The following SESN2 variants were observed in gnomAD, a reference collection of about 807,000 sequenced individuals.
The protein encoded by SESN2 is sestrin 2, also known as sestrin-2.
Under a neutral mutation model 56.0 loss-of-function variants are expected in SESN2, and 42 were observed. The ratio of observed to expected loss-of-function variants is 0.75; its 90% confidence interval spans 0.59 to 0.97. The LOEUF is 0.97. SESN2 is among the 50% of genes least tolerant of loss of function. SESN2 has a pLI of 0.00. For synonymous variants in SESN2, 264 were observed against 267.1 expected (o/e 0.99, Z 0.11); for missense variants, 507 against 649.4 (o/e 0.78, Z 2.38).
Position 28,280,880 on chromosome 1 carries a change from G to C in SESN2, c.*78G>C. The C allele has an allele frequency of 9.0e-7, 1 of 1,115,226 alleles. No individual in the cohort carries two copies. The highest frequency in any genetic ancestry group is 1.7e-5 in the Admixed American group (1 of 58,042). The allele number at this position is 1,115,226 out of a possible 1,614,324, so 69.1% of individuals were successfully genotyped here. A position where few individuals can be genotyped will look rare whatever the true frequency, so the allele number is the denominator to read the frequency against. Reference sequence around the variant, plus strand: ...TGGAGACAGCCCCAGACCCTTTTGTGTCCCATGCCCACCCTCCCCACGCTG... The same window carrying C: ...TGGAGACAGCCCCAGACCCTTTTGTCTCCCATGCCCACCCTCCCCACGCTG... On this transcript the variant is annotated 3_prime_UTR_variant, in exon 10 of 10. Coordinates refer to ENST00000253063, the MANE Select transcript of SESN2 (RefSeq NM_031459.5).
intron 3 of SESN2, 79 bp downstream of exon 3, chr1:28,271,950 T>C (rs924148065): frequency 3.6e-5 from 49 of 1,342,964 alleles, no homozygotes; most frequent in Non-Finnish European, 4.7e-5. Flanking sequence ...CTGGGAGCTT[T>C]GTGAGCTGAT....
chr1:28,271,867 T>A lies in SESN2; in HGVS notation c.350T>A (p.Ile117Asn). 1 of 1,614,160 alleles carries A rather than the reference T, an allele frequency of 6.2e-7. No individual in the cohort carries two copies. The highest frequency in any genetic ancestry group is 8.5e-7 in the Non-Finnish European group (1 of 1,180,012). Residue 117 changes from isoleucine to asparagine, a missense_variant, in exon 3 of 10, where the codon ATC becomes AAC. Coordinates refer to ENST00000253063, the MANE Select transcript of SESN2 (RefSeq NM_031459.5). ...AGCTCCTGGCGCCACTACATTGCCA[T>A]CATGGTGAGCCTCTCTGGGCCTGAC... ...LASSWRHYIA[I>N]MAAARHQCSY...
chr1:28,277,786 A>C (rs903096842), intron 8 of SESN2, among the ~76,000 whole-genome samples: 2 of 152,144 alleles, frequency 1.3e-5, no homozygotes, highest in African/African-American at 4.8e-5. Context: ...ATCATATTTC[A>C]CTGAATGGGT....
chr1:28,276,203 G>T (rs1263859924), intron 8 of SESN2, among the ~76,000 whole-genome samples: 1 of 151,984 alleles, frequency 6.6e-6, no homozygotes, highest in East Asian at 1.9e-4. Context: ...TAAAGGCTGG[G>T]TGCAGTGGCT....
chr1:28,262,313 G>C (rs1647399734), intron 1 of SESN2, among the ~76,000 whole-genome samples: 2 of 152,160 alleles, frequency 1.3e-5, no homozygotes, highest in Admixed American at 6.6e-5. Flanking sequence ...AAAGTTCCAA[G>C]GGCTTCACTC....
At chr1:28,280,588 C>T in intron 9 of SESN2, 128 bp from the exon 10 acceptor site, 1 of 729,746 alleles carries the variant, frequency 1.4e-6, no homozygotes, top group Non-Finnish European at 2.5e-6. Context: ...AGAGCCTTAG[C>T]AGATGCTGGG....
At chr1:28,280,689 G>C in intron 9 of SESN2, 27 bp from the exon 10 acceptor site, 1 of 1,591,604 alleles carries the variant, frequency 6.3e-7, no homozygotes, top group Non-Finnish European at 8.6e-7. Context: ...GACATCAGTT[G>C]CCAACATGCC....
At chr1:28,277,673 C>T (rs113643430) in intron 8 of SESN2, among the ~76,000 whole-genome samples, 3,998 of 152,222 alleles carry the variant, frequency 0.026, 169 homozygotes, top group African/African-American at 0.09. Flanking sequence ...CTGCCTTTCT[C>T]ACTTAACAGT....
intron 1 of SESN2, among the ~76,000 whole-genome samples, chr1:28,262,578 T>C (rs1481618447): frequency 7.8e-6 from 1 of 128,288 alleles, no homozygotes; most frequent in Admixed American, 8.9e-5. Flanking sequence ...ACTGTGATCA[T>C]GCCACTGCAC....
Position 28,259,605 on chromosome 1 carries a change from C to T in SESN2, c.-243C>T. The T allele has an allele frequency of 2.4e-6, 1 of 422,576 alleles. No homozygotes were observed. Among genetic ancestry groups the T allele is most frequent in the Middle Eastern group, 6.1e-4 (1 of 1,646 alleles). The allele number at this position is 422,576 out of a possible 1,614,324, so 26.2% of individuals were successfully genotyped here. On this transcript the variant is annotated 5_prime_UTR_variant, in exon 1 of 10. Transcript: ENST00000253063. The stretch of plus-strand genomic sequence containing the variant: ...CGGACTTCCGAGGCCGTGAAAACCC[C>T]TGCGCTGCGGCCCTTCCCAGGCCCC...
At position 28,281,476 on chromosome 1, in the gene SESN2, T is replaced by G. The variant is rs903764839; in HGVS notation, c.*674T>G. The G allele has an allele frequency of 9.2e-5, 14 of 151,824 alleles. No homozygotes were observed. The highest frequency in any genetic ancestry group is 5.9e-4 in the Admixed American group (9 of 15,248). 9.4% of individuals were successfully genotyped at this position (151,824 alleles called of 1,614,324 possible). ...AAAAAAAAAAAAAGCAGATTATCTC[T>G]AGAGAGTTTGAGCCTTTGCTGGTCA... On this transcript the variant is annotated 3_prime_UTR_variant, in exon 10 of 10. Transcript: ENST00000253063.
At chr1:28,280,596 G>A in intron 9 of SESN2, 120 bp from the exon 10 acceptor site, 1 of 761,898 alleles carries the variant, frequency 1.3e-6, no homozygotes, top group Non-Finnish European at 2.3e-6. Flanking sequence ...AGCAGATGCT[G>A]GGGCAGCTCT....
chr1:28,260,466 C>T (rs1405130537), intron 1 of SESN2, among the ~76,000 whole-genome samples: 1 of 152,142 alleles, frequency 6.6e-6, no homozygotes, highest in Non-Finnish European at 1.5e-5. Flanking sequence ...GAAAGTCGAC[C>T]TCATCCTATG....
In SESN2 at chr1:28,269,181, A is replaced by G; in HGVS notation, c.91-2A>G. On this transcript the variant is annotated splice_acceptor_variant, in intron 1 of 9. Transcript: ENST00000253063. LOFTEE classifies it high-confidence loss of function. Reference sequence around the variant, plus strand: ...GGACTAACCTCATATGTTTCCTCCCAGGAGCAGAGGGAGAGCCGGGCTCGG... The same window carrying G: ...GGACTAACCTCATATGTTTCCTCCCGGGAGCAGAGGGAGAGCCGGGCTCGG... The G allele has an allele frequency of 6.2e-7, 1 of 1,610,782 alleles. No individual in the cohort carries two copies. Among genetic ancestry groups the G allele is most frequent in the Non-Finnish European group, 8.5e-7 (1 of 1,177,628 alleles).
chr1:28,267,281 C>T (rs115485937), intron 1 of SESN2, among the ~76,000 whole-genome samples: 21 of 152,302 alleles, frequency 1.4e-4, no homozygotes, highest in African/African-American at 5.1e-4. Context: ...AGGGGGCCTG[C>T]ACGGTCAGCT....
Position 28,281,033 on chromosome 1 carries a change from A to G in SESN2, c.*231A>G, listed in dbSNP as rs1402812583. 4 of 500,352 alleles carry G rather than the reference A, an allele frequency of 8.0e-6. No homozygotes were observed. Among genetic ancestry groups the G allele is most frequent in the Non-Finnish European group, 1.1e-5 (3 of 278,884 alleles). 31.0% of individuals were successfully genotyped at this position (500,352 alleles called of 1,614,324 possible). On this transcript the variant is annotated 3_prime_UTR_variant, in exon 10 of 10. Coordinates refer to ENST00000253063, the MANE Select transcript of SESN2 (RefSeq NM_031459.5). ...CTGGGAGCTGGAAGAGCACTTGGAGATCCTAAGGGACCACACCCTTCCTCC... is the reference window on the plus strand; with the variant it reads ...CTGGGAGCTGGAAGAGCACTTGGAGGTCCTAAGGGACCACACCCTTCCTCC...
chr1:28,271,958 G>T (rs1647794855), intron 3 of SESN2, 87 bp downstream of exon 3: 8 of 1,279,330 alleles, frequency 6.3e-6, no homozygotes, highest in Non-Finnish European at 7.9e-6. Flanking sequence ...TTTGTGAGCT[G>T]ATTCCATAGA....
intron 1 of SESN2, among the ~76,000 whole-genome samples, chr1:28,260,573 G>GGT (rs1257207206): frequency 2.0e-4 from 31 of 152,202 alleles, no homozygotes; most frequent in Non-Finnish European, 5.9e-5. Context: ...TGGGGGGAGA[G>GGT]GGGACAACCC....
At chr1:28,268,472 C>T (rs1647634041) in intron 1 of SESN2, among the ~76,000 whole-genome samples, 1 of 152,092 alleles carries the variant, frequency 6.6e-6, no homozygotes, top group African/African-American at 2.4e-5. Context: ...TCGAGACCAG[C>T]CTGGCCAACA....
Sources: allele counts gnomAD v4.1 joint callset (sites outside exome capture counted in the v4.1 genomes callset), GRCh38; gene constraint gnomAD v4.1.1; transcripts MANE v1.5; gene names NCBI Gene and HGNC (gene_info 2026-07-23, HGNC 2026-07-21).